Variants in RAD51C observed in about 807,000 individuals in gnomAD.
RAD51C encodes the protein DNA repair protein RAD51 homolog 3.
Under a neutral mutation model 45.0 loss-of-function variants are expected in RAD51C, and 42 were observed. The observed-to-expected ratio is 0.93, with a 90% CI of 0.73 to 1.21. RAD51C has a LOEUF of 1.21. Ranked by LOEUF, RAD51C falls within the 50% of genes most tolerant of loss-of-function variation. The pLI, the probability that RAD51C is intolerant of heterozygous loss-of-function variation, is 0.00. For missense variants in RAD51C, 474 were observed against 452.2 expected (o/e 1.05, Z -0.44); for synonymous variants, 172 against 159.8 (o/e 1.08, Z -0.58).
intron 8 of RAD51C, 100 bp from the exon 9 acceptor site, chr17:58,734,018 A>G: frequency 6.6e-7 from 1 of 1,519,696 alleles, no homozygotes; most frequent in South Asian, 1.2e-5. Context: ...GCCTGGCCCT[A>G]GAATAAAGTA....
chr17:58,693,016 C>T (rs1252661119), intron 1 of RAD51C: 1 of 581,264 alleles, frequency 1.7e-6, no homozygotes, highest in Non-Finnish European at 3.0e-6. Context: ...CTGGCAATGC[C>T]TGCTGAATGC....
chr17:58,724,237 A>T (rs2049031944), intron 7 of RAD51C, 137 bp downstream of exon 7: 1 of 798,910 alleles, frequency 1.3e-6, no homozygotes, highest in Admixed American at 2.0e-5. Flanking sequence ...GCCTTGTCTG[A>T]TATCACCTAG....
At chr17:58,727,829 G>T (rs1378667421) in intron 7 of RAD51C, among the ~76,000 whole-genome samples, 1 of 151,634 alleles carries the variant, frequency 6.6e-6, no homozygotes, top group African/African-American at 2.4e-5. Flanking sequence ...TGGGAGGCCA[G>T]AGTTGGGAAA....
intron 3 of RAD51C, among the ~76,000 whole-genome samples, chr17:58,698,517 G>A (rs2048099660): frequency 6.6e-6 from 1 of 151,460 alleles, no homozygotes; most frequent in African/African-American, 2.4e-5. Flanking sequence ...TTTGTAGAGA[G>A]GGGGTTTCAC....
chr17:58,723,248 G>A (rs1288123831), intron 6 of RAD51C, among the ~76,000 whole-genome samples: 2 of 151,492 alleles, frequency 1.3e-5, no homozygotes, highest in Non-Finnish European at 2.9e-5. Context: ...TCCTTGCACT[G>A]TGTCTGCATG....
At chr17:58,708,930 A>G (rs543530291) in intron 4 of RAD51C, among the ~76,000 whole-genome samples, 48 of 151,972 alleles carry the variant, frequency 3.2e-4, no homozygotes, top group African/African-American at 1.1e-3. Context: ...GGAAGGTAAA[A>G]TTGGTATATT....
intron 2 of RAD51C, 128 bp from the exon 3 acceptor site, chr17:58,696,565 G>C (rs1398702116): frequency 9.4e-7 from 1 of 1,068,076 alleles, no homozygotes; most frequent in Non-Finnish European, 1.4e-6. Context: ...AGACATTTCT[G>C]TTGCCTTGGG....
At chr17:58,713,558 A>ACCTATAACC (rs1261795637) in intron 5 of RAD51C, among the ~76,000 whole-genome samples, 1 of 151,978 alleles carries the variant, frequency 6.6e-6, no homozygotes, top group African/African-American at 2.4e-5. Flanking sequence ...CCTATAACCC[A>ACCTATAACC]CCACTGTGGG....
At chr17:58,709,422 G>A (rs1038696903) in intron 4 of RAD51C, among the ~76,000 whole-genome samples, 1 of 152,082 alleles carries the variant, frequency 6.6e-6, no homozygotes, top group Non-Finnish European at 1.5e-5. Context: ...AGCAGAGTCC[G>A]TTTTAACTTT....
At chr17:58,705,099 C>G (rs1444401490) in intron 4 of RAD51C, among the ~76,000 whole-genome samples, 2 of 117,814 alleles carry the variant, frequency 1.7e-5, no homozygotes, top group South Asian at 2.8e-4. Flanking sequence ...ACACTGCACT[C>G]CAGCCTGGGA....
In RAD51C at chr17:58,710,101, G is replaced by C. The variant is rs114185551; in HGVS notation, c.837+111G>C. On this transcript the variant is annotated intron_variant, in intron 5 of 8. Coordinates refer to ENST00000337432, the MANE Select transcript of RAD51C (RefSeq NM_058216.3). ...GCCTGACAAATAATATAGACATGCAGTTTTGAGTAAAGTTACGTTTGGTTG... is the reference window on the plus strand; with the variant it reads ...GCCTGACAAATAATATAGACATGCACTTTTGAGTAAAGTTACGTTTGGTTG... The C allele has an allele frequency of 5.6e-5, 70 of 1,255,098 alleles. No individual in the cohort carries two copies. The African/African-American group carries it at 1.0e-3, about 18-fold the overall frequency. 77.7% of individuals were successfully genotyped at this position (1,255,098 alleles called of 1,614,324 possible).
At chr17:58,701,111 G>C (rs1298646616) in intron 3 of RAD51C, among the ~76,000 whole-genome samples, 1 of 151,918 alleles carries the variant, frequency 6.6e-6, no homozygotes, top group Non-Finnish European at 1.5e-5. Context: ...ATGTTGCCCA[G>C]GCTGGTCTTG....
In RAD51C at chr17:58,695,147, C is replaced by T. The variant is rs2047956659; in HGVS notation, c.362C>T (p.Thr121Ile). The T allele has an allele frequency of 2.5e-6, 4 of 1,613,658 alleles. No homozygotes were observed. The highest frequency in any genetic ancestry group is 3.4e-6 in the Non-Finnish European group (4 of 1,179,854). The change falls in exon 2 of 9, where the codon ACA (threonine) becomes ATA (isoleucine). Residue 121 changes from threonine (T) to isoleucine (I), a missense_variant. Physicochemically the swap from Thr to Ile is moderately conservative, Grantham distance 89. Coordinates refer to ENST00000337432, the MANE Select transcript of RAD51C (RefSeq NM_058216.3). ...LGGGVPLMKT[T>I]EICGAPGVGK... ...GGTGGAGTGCCCTTAATGAAAACAA[C>T]AGAAATTTGTGGTGCACCAGGTGTT...
At chr17:58,695,508 A>G (rs982203708) in intron 2 of RAD51C, 21 of 353,108 alleles carry the variant, frequency 5.9e-5, no homozygotes, top group Non-Finnish European at 7.5e-5. Flanking sequence ...ATTTATGGCT[A>G]GGGGTAGTGG....
At chr17:58,696,956 A>T in intron 3 of RAD51C, 97 bp downstream of exon 3, 1 of 1,358,186 alleles carries the variant, frequency 7.4e-7, no homozygotes, top group Non-Finnish European at 1.0e-6. Context: ...TTGGAATGTG[A>T]AGCCTAATTA....
At chr17:58,726,374 T>C (rs1030222233) in intron 7 of RAD51C, among the ~76,000 whole-genome samples, 6 of 150,864 alleles carry the variant, frequency 4.0e-5, no homozygotes, top group Admixed American at 3.3e-4. Flanking sequence ...TGTATATATG[T>C]GTACATATAT....
At chr17:58,696,902 G>A (rs1182588127) in intron 3 of RAD51C, 43 bp downstream of exon 3, 2 of 1,603,326 alleles carry the variant, frequency 1.2e-6, no homozygotes, top group African/African-American at 2.7e-5. Flanking sequence ...ATTAATAAAA[G>A]TAATTTGCAT....
intron 5 of RAD51C, among the ~76,000 whole-genome samples, chr17:58,715,150 A>G (rs1021932175): frequency 6.6e-6 from 1 of 151,892 alleles, no homozygotes; most frequent in African/African-American, 2.4e-5. Flanking sequence ...AAAACAAAAA[A>G]AAACAAAAAA....
intron 5 of RAD51C, among the ~76,000 whole-genome samples, 184 bp from the exon 6 acceptor site, chr17:58,720,562 C>T (rs2048882584): frequency 6.6e-6 from 1 of 151,954 alleles, no homozygotes; most frequent in South Asian, 2.1e-4. Context: ...CCTCTGCCTG[C>T]CCCAGGTTCA....
Sources: gnomAD v4.1 joint callset for allele counts (sites outside exome capture counted in the v4.1 genomes callset) on GRCh38, gnomAD v4.1.1 for gene constraint, MANE v1.5 for transcripts, NCBI Gene and HGNC (gene_info 2026-07-23, HGNC 2026-07-21) for gene names.